Variants in PHC3 observed in about 807,000 individuals in gnomAD.
PHC3 encodes the protein polyhomeotic homolog 3.
PHC3 carries 13 observed loss-of-function variants against 107.4 expected under a neutral mutation model. The ratio of observed to expected loss-of-function variants is 0.12; its 90% CI spans 0.08 to 0.19. The LOEUF (loss-of-function observed/expected upper bound fraction) is 0.19, where lower values mean the gene tolerates loss of function less well. Among genes scored for constraint, PHC3 ranks in the 10% least tolerant of loss-of-function variants. The pLI, the probability that PHC3 is intolerant of heterozygous loss-of-function variation, is 1.00. For missense variants in PHC3, 992 were observed against 1,210.9 expected, an observed-to-expected ratio of 0.82 and a Z score of 2.68; for synonymous variants, 456 against 427.4, an observed-to-expected ratio of 1.07 and a Z score of -0.83.
At chr3:170,167,955 G>A (rs995460431) in intron 4 of PHC3, among the ~76,000 whole-genome samples, 4 of 151,884 alleles carry the variant, frequency 2.6e-5, no homozygotes, top group African/African-American at 4.8e-5. Context: ...TCAGGAGTTC[G>A]AGACCAGTCT....
intron 9 of PHC3, among the ~76,000 whole-genome samples, chr3:170,121,208 G>T (rs773915374): frequency 6.6e-6 from 1 of 152,050 alleles, no homozygotes; most frequent in Non-Finnish European, 1.5e-5. Flanking sequence ...CATGCATGGT[G>T]GAGAGCACCT....
intron 6 of PHC3, among the ~76,000 whole-genome samples, chr3:170,143,965 C>T (rs913680777): frequency 2.0e-5 from 3 of 151,454 alleles, no homozygotes; most frequent in Admixed American, 6.6e-5. Flanking sequence ...AACCTTATAC[C>T]AAGGTTCTTT....
chr3:170,165,384 G>C (rs904141642), intron 4 of PHC3, among the ~76,000 whole-genome samples: 16 of 152,090 alleles, frequency 1.1e-4, no homozygotes, highest in African/African-American at 3.9e-4. Context: ...ATCACGTCCA[G>C]AACCAGGAAA....
chr3:170,167,093 G>A (rs573853540), intron 4 of PHC3, among the ~76,000 whole-genome samples: 9 of 152,234 alleles, frequency 5.9e-5, no homozygotes, highest in African/African-American at 1.7e-4. Context: ...TTGTGTAAAC[G>A]TTTTTCCTTG....
chr3:170,121,124 CTTCTT>C (rs1222902615), intron 9 of PHC3, among the ~76,000 whole-genome samples: 1 of 152,152 alleles, frequency 6.6e-6, no homozygotes, highest in Non-Finnish European at 1.5e-5. Context: ...AACTATTACT[CTTCTT>C]TTGTTTTCAA....
At chr3:170,153,539 G>A (rs112918347) in intron 4 of PHC3, among the ~76,000 whole-genome samples, 37,158 of 151,812 alleles carry the variant, frequency 0.24, 5,344 homozygotes, top group East Asian at 0.49. Context: ...CGAGGCGGGC[G>A]GATCACGAGG....
intron 4 of PHC3, among the ~76,000 whole-genome samples, chr3:170,150,988 G>A (rs530985084): frequency 4.7e-4 from 71 of 152,164 alleles, no homozygotes; most frequent in African/African-American, 1.3e-3. Context: ...TGAGGTGGGC[G>A]GATCGCAAGG....
At chr3:170,169,300 C>A (rs1021417709) in intron 4 of PHC3, among the ~76,000 whole-genome samples, 1 of 152,134 alleles carries the variant, frequency 6.6e-6, no homozygotes, top group African/African-American at 2.4e-5. Context: ...TCACTGTTAT[C>A]TGGAAACCTA....
intron 14 of PHC3, among the ~76,000 whole-genome samples, chr3:170,098,261 T>C (rs1460384988): frequency 1.3e-5 from 2 of 152,274 alleles, no homozygotes; most frequent in East Asian, 1.9e-4. Context: ...ATCAATTAAG[T>C]AGCTGAGATG....
intron 8 of PHC3, among the ~76,000 whole-genome samples, chr3:170,127,846 G>C (rs1263158186): frequency 6.6e-6 from 1 of 152,086 alleles, no homozygotes; most frequent in Non-Finnish European, 1.5e-5. Flanking sequence ...TTTAGAGAAT[G>C]TTTAAAGAAA....
In PHC3 at chr3:170,172,633, T is replaced by C. The variant is rs1400402528; in HGVS notation, c.260A>G (p.His87Arg). 4.3e-6 allele frequency: 7 copies of C among 1,613,574 alleles called. No homozygotes were observed. Among genetic ancestry groups the C allele is most frequent in the South Asian group, 1.1e-5 (1 of 91,050 alleles). ...AAGAGCTGCAGTATGCAGCATCAAGTGCTGTTGTTGGGCTGCATACATTTG... is the reference window on the plus strand; with the variant it reads ...AAGAGCTGCAGTATGCAGCATCAAGCGCTGTTGTTGGGCTGCATACATTTG... ...LQQMYAAQQQHLMLHTAALQQ... is the reference protein window; with the variant it reads ...LQQMYAAQQQRLMLHTAALQQ... Residue 87 changes from histidine (H) to arginine (R), a missense_variant, in exon 3 of 15, where the codon CAC (histidine) becomes CGC (arginine). This residue lies in a region of PHC3 where 161 missense variants were observed against 183.7 expected (regional missense o/e 0.88). Transcript: ENST00000495893.
rs1001693914 is a variant in PHC3 at position 170,120,760 on chromosome 3, G to A, written c.1942+1831C>T. Among the ~76,000 whole-genome samples the A allele has an allele frequency of 2.6e-5, 4 of 151,836 alleles. 1 individual carries two copies. The East Asian group carries it at 5.8e-4, about 22-fold the overall frequency. On this transcript the variant is annotated intron_variant, in intron 9 of 14. Transcript: ENST00000495893. ...AAAAGAAGGGAAGGGGATATGGCAC[G>A]CTAAAGAAAGCAGAGAGCAAGGGTT...
intron 14 of PHC3, 75 bp downstream of exon 14, chr3:170,102,404 G>A: frequency 1.3e-6 from 2 of 1,545,582 alleles, no homozygotes; most frequent in Non-Finnish European, 1.7e-6. Context: ...TTGTGCAAAA[G>A]GTGTGGATGT....
intron 11 of PHC3, among the ~76,000 whole-genome samples, chr3:170,111,261 A>AG (rs1553779710): frequency 9.1e-5 from 11 of 121,270 alleles, no homozygotes; most frequent in African/African-American, 3.0e-4. Context: ...TAAAACAAGA[A>AG]GAAGGAAGGA....
chr3:170,168,179 G>GCGAAGT (rs1729022253), intron 4 of PHC3, among the ~76,000 whole-genome samples: 1 of 115,186 alleles, frequency 8.7e-6, no homozygotes. Flanking sequence ...GAATGGAAAG[G>GCGAAGT]CAAAGTCAAA....
chr3:170,127,646 T>TA (rs962834361), intron 8 of PHC3, among the ~76,000 whole-genome samples: 3 of 152,170 alleles, frequency 2.0e-5, no homozygotes, highest in Non-Finnish European at 4.4e-5. Flanking sequence ...GTATTAATAA[T>TA]AAAAAATACT....
chr3:170,128,619 G>C, intron 8 of PHC3, 65 bp downstream of exon 8: 1 of 1,520,868 alleles, frequency 6.6e-7, no homozygotes, highest in South Asian at 1.3e-5. Context: ...ATAAAACATA[G>C]TGTGGGAAAA....
At chr3:170,180,568 T>TG (rs1253649439) in intron 1 of PHC3, among the ~76,000 whole-genome samples, 4 of 151,494 alleles carry the variant, frequency 2.6e-5, no homozygotes, top group East Asian at 3.9e-4. Context: ...GCTTCTGTTT[T>TG]TTTTTTTTTT....
intron 6 of PHC3, among the ~76,000 whole-genome samples, chr3:170,141,484 T>C (rs946754256): frequency 1.3e-5 from 2 of 152,214 alleles, no homozygotes; most frequent in Admixed American, 1.3e-4. Context: ...CCTTTAAATA[T>C]GAAGTAAGAT....
Sources: allele counts gnomAD v4.1 joint callset (sites outside exome capture counted in the v4.1 genomes callset), GRCh38; gene constraint gnomAD v4.1.1; regional missense constraint gnomAD v4.1.1; transcripts MANE v1.5; gene names NCBI Gene and HGNC (gene_info 2026-07-23, HGNC 2026-07-21).